Variants in GXYLT1 observed in about 807,000 individuals in gnomAD.
GXYLT1 encodes the protein glucoside xylosyltransferase 1.
In GXYLT1, 29 loss-of-function variants were observed where a neutral mutation model predicts 54.0. The observed-to-expected ratio is 0.54, with a 90% CI of 0.40 to 0.73. The LOEUF (loss-of-function observed/expected upper bound fraction) is 0.73. Among genes scored for constraint, GXYLT1 ranks in the 30% least tolerant of loss-of-function variants. The pLI is 0.00. For synonymous variants in GXYLT1, 176 were observed against 204.1 expected (o/e 0.86, Z 1.17); for missense variants, 490 against 553.4 (o/e 0.89, Z 1.15).
At chr12:42,122,994 T>C (rs1016863902) in intron 2 of GXYLT1, among the ~76,000 whole-genome samples, 13 of 151,966 alleles carry the variant, frequency 8.6e-5, no homozygotes, top group Non-Finnish European at 7.4e-5. Context: ...TAATAATAAG[T>C]AGACAGTCGG....
intron 2 of GXYLT1, among the ~76,000 whole-genome samples, chr12:42,128,818 G>A (rs1024170665): frequency 3.1e-4 from 47 of 151,858 alleles, no homozygotes; most frequent in South Asian, 2.7e-3. Flanking sequence ...CCAAGCCAGC[G>A]CATGCCACCA....
intron 7 of GXYLT1, among the ~76,000 whole-genome samples, chr12:42,091,818 T>A (rs1042552625): frequency 2.0e-5 from 3 of 152,198 alleles, no homozygotes; most frequent in Non-Finnish European, 4.4e-5. Context: ...CTTTTCATGG[T>A]AGATCATCAC....
In GXYLT1 at chr12:42,119,444, GAAAGGGAAAGGC is replaced by G. The variant is rs144690361; in HGVS notation, c.315-285_315-274del. Reference sequence around the variant, plus strand: ...AGAAAGGACAGAAAGAGAAGAAAGAGAAAGGGAAAGGCAAAGGGAAAGGGAGGGAGGGAAGGA... The same window carrying G: ...AGAAAGGACAGAAAGAGAAGAAAGAGAAAGGGAAAGGGAGGGAGGGAAGGA... On this transcript the variant is annotated intron_variant, in intron 2 of 7. Transcript: ENST00000398675. Among the ~76,000 whole-genome samples, 1,184 of 146,248 alleles carry G rather than the reference GAAAGGGAAAGGC, an allele frequency of 8.1e-3. 15 individuals carry two copies. Among genetic ancestry groups the G allele is most frequent in the African/African-American group, 0.029 (1,150 of 39,694 alleles).
chr12:42,134,982 C>G (rs3852594), intron 1 of GXYLT1, among the ~76,000 whole-genome samples: 25,726 of 152,150 alleles, frequency 0.17, 2,226 homozygotes, highest in Admixed American at 0.22. Context: ...ATTCACTCCC[C>G]ACATTTAACT....
At chr12:42,140,283 G>A (rs11181344) in intron 1 of GXYLT1, among the ~76,000 whole-genome samples, 1 of 148,908 alleles carries the variant, frequency 6.7e-6, no homozygotes, top group African/African-American at 2.5e-5. Context: ...TAACAAGCTG[G>A]AGCACATATC....
At position 42,085,262 on chromosome 12, in the gene GXYLT1, A is replaced by C. The variant is rs1160543605; in HGVS notation, c.*2524T>G. ...TGATCAATTAGGTCAGGTCTAAATAAACCAGATGAAGAACCTTCCAACTGA... is the reference window on the plus strand; with the variant it reads ...TGATCAATTAGGTCAGGTCTAAATACACCAGATGAAGAACCTTCCAACTGA... On this transcript the variant is annotated 3_prime_UTR_variant, in exon 8 of 8. Coordinates refer to ENST00000398675, the MANE Select transcript of GXYLT1 (RefSeq NM_173601.2). 1 of 152,248 alleles carries C rather than the reference A, an allele frequency of 6.6e-6. No individual in the cohort carries two copies. Among genetic ancestry groups the C allele is most frequent in the Non-Finnish European group, 1.5e-5 (1 of 68,052 alleles). The allele number at this position is 152,248 out of a possible 1,614,324, so 9.4% of individuals were successfully genotyped here.
chr12:42,100,736 T>C (rs753368658), intron 5 of GXYLT1, among the ~76,000 whole-genome samples: 3 of 152,184 alleles, frequency 2.0e-5, no homozygotes, highest in South Asian at 2.1e-4. Flanking sequence ...AAATAAGTCA[T>C]TGAGTATGTT....
rs2065550688 is a variant in GXYLT1 at position 42,124,692 on chromosome 12, T to C, written c.314+5067A>G. On this transcript the variant is annotated intron_variant, in intron 2 of 7. Coordinates refer to ENST00000398675, the MANE Select transcript of GXYLT1 (RefSeq NM_173601.2). ...TAATTTTTAAAACACAATTTAGTGA[T>C]ATAATTCATTCTTTTTAAAAAATAT... is the stretch of plus-strand genomic sequence containing the variant. Among the ~76,000 whole-genome samples, 3 of 152,346 alleles carry C rather than the reference T, an allele frequency of 2.0e-5. No homozygotes were observed. The South Asian group carries it at 6.2e-4, about 32-fold the overall frequency.
At chr12:42,141,049 T>C (rs2065649462) in intron 1 of GXYLT1, among the ~76,000 whole-genome samples, 1 of 152,118 alleles carries the variant, frequency 6.6e-6, no homozygotes, top group South Asian at 2.1e-4. Flanking sequence ...CAGCATTCCT[T>C]CTCCTTTGAG....
At chr12:42,116,509 CA>C in intron 3 of GXYLT1, among the ~76,000 whole-genome samples, 1 of 152,156 alleles carries the variant, frequency 6.6e-6, no homozygotes, top group East Asian at 1.9e-4. Flanking sequence ...TTTATGCAGA[CA>C]AAAAACACAT....
rs1274662251 is a variant in GXYLT1, at chr12:42,115,419, A to C, written c.486+3581T>G. Among the ~76,000 whole-genome samples the C allele has an allele frequency of 6.6e-5, 10 of 152,354 alleles. No individual in the cohort carries two copies. In the East Asian group the frequency reaches 1.9e-3, roughly 29 times the overall value. On this transcript the variant is annotated intron_variant, in intron 3 of 7. Transcript: ENST00000398675. ...CCAAAAACTCCTCAAGCTGATAAGCAACTTCAGCAAATTCTCAGGATACAA... is the reference window on the plus strand; with the variant it reads ...CCAAAAACTCCTCAAGCTGATAAGCCACTTCAGCAAATTCTCAGGATACAA...
At chr12:42,097,844 T>C (rs558784772) in intron 6 of GXYLT1, 66 bp downstream of exon 6, 3 of 1,245,098 alleles carry the variant, frequency 2.4e-6, no homozygotes, top group South Asian at 2.7e-5. Context: ...AAGTGCATGT[T>C]TTCCTTTTTC....
At chr12:42,128,754 C>T (rs1051680439) in intron 2 of GXYLT1, among the ~76,000 whole-genome samples, 1 of 151,928 alleles carries the variant, frequency 6.6e-6, no homozygotes, top group Non-Finnish European at 1.5e-5. Flanking sequence ...AGAGCAGTGG[C>T]GTCATCACAG....
At position 42,132,046 on chromosome 12, in the gene GXYLT1, A is replaced by T. The variant is rs117579233; in HGVS notation, c.222-2195T>A. 5.8e-3 allele frequency among the ~76,000 whole-genome samples: 889 copies of T among 152,342 alleles called. 18 individuals carry two copies. Among genetic ancestry groups the T allele is most frequent in the East Asian group, 0.03 (153 of 5,184 alleles). ...ATGGAAATAGAAATCTCAAAAACAA[A>T]TTCAATTTTTCTATAAAATTAATTA... On this transcript the variant is annotated intron_variant, in intron 1 of 7. Coordinates refer to ENST00000398675, the MANE Select transcript of GXYLT1 (RefSeq NM_173601.2).
chr12:42,142,499 G>C (rs1049724767), intron 1 of GXYLT1, among the ~76,000 whole-genome samples: 1 of 150,566 alleles, frequency 6.6e-6, no homozygotes, highest in Non-Finnish European at 1.5e-5. Flanking sequence ...ACCACATTCA[G>C]TTAATTTTTT....
At chr12:42,137,762 GAAAA>G (rs56387868) in intron 1 of GXYLT1, among the ~76,000 whole-genome samples, 2 of 107,180 alleles carry the variant, frequency 1.9e-5, no homozygotes, top group Non-Finnish European at 3.5e-5. Context: ...ATCTCAAATT[GAAAA>G]AAAAAAAAAA....
At chr12:42,140,950 A>G (rs1365341338) in intron 1 of GXYLT1, among the ~76,000 whole-genome samples, 1 of 152,220 alleles carries the variant, frequency 6.6e-6, no homozygotes, top group Non-Finnish European at 1.5e-5. Context: ...ATGTCCGGTA[A>G]TAACTACTGC....
At position 42,105,923 on chromosome 12, in the gene GXYLT1, T is replaced by A. The variant is rs969941532; in HGVS notation, c.759A>T (p.Ile253=). Residue 253 remains isoleucine, a synonymous_variant, in exon 5 of 8, where the codon ATA becomes ATT. Coordinates refer to ENST00000398675, the MANE Select transcript of GXYLT1 (RefSeq NM_173601.2). The part of the protein sequence containing the change: ...AMAPEHEEPR[I]GWYNRFARHP... ...GCCTAGCAAAGCGATTATACCATCC[T>A]ATTCGAGGTTCCTCATGTTCTGGTG... The A allele has an allele frequency of 9.9e-6, 16 of 1,613,994 alleles. No individual in the cohort carries two copies. Among genetic ancestry groups the A allele is most frequent in the African/African-American group, 2.7e-5 (2 of 74,956 alleles).
At chr12:42,088,654 T>TA (rs2065311251) in intron 7 of GXYLT1, among the ~76,000 whole-genome samples, 1 of 152,106 alleles carries the variant, frequency 6.6e-6, no homozygotes, top group Non-Finnish European at 1.5e-5. Flanking sequence ...AAGGCTGTGG[T>TA]AGTAAAGTGG....
Sources: allele counts gnomAD v4.1 joint callset (sites outside exome capture counted in the v4.1 genomes callset), GRCh38; gene constraint gnomAD v4.1.1; transcripts MANE v1.5; gene names NCBI Gene and HGNC (gene_info 2026-07-23, HGNC 2026-07-21).